Variants in MICAL2 observed in about 807,000 individuals in gnomAD.
MICAL2 encodes the protein microtubule associated monooxygenase, calponin and LIM domain containing 2.
In MICAL2, 77 loss-of-function variants were observed where a neutral mutation model predicts 127.3. That is an observed-to-expected ratio of 0.60 (90% CI 0.50 to 0.73). The LOEUF (loss-of-function observed/expected upper bound fraction) is 0.73, where lower values mean the gene tolerates loss of function less well. Among genes scored for constraint, MICAL2 ranks in the 30% least tolerant of loss-of-function variants. The pLI is 0.00. For missense variants in MICAL2, 1,351 were observed against 1,434.4 expected (o/e 0.94, Z 0.94); for synonymous variants, 570 against 551.1 (o/e 1.03, Z -0.48).
chr11:12,215,951 C>G (rs994832989), intron 7 of MICAL2, among the ~76,000 whole-genome samples: 11 of 152,204 alleles, frequency 7.2e-5, no homozygotes, highest in Non-Finnish European at 1.5e-4. Flanking sequence ...TTACCCGGCT[C>G]TAACTTATAC....
chr11:12,126,295 T>C (rs1377872126), intron 1 of MICAL2, among the ~76,000 whole-genome samples: 3 of 152,208 alleles, frequency 2.0e-5, no homozygotes, highest in Non-Finnish European at 2.9e-5. Flanking sequence ...TTTAAGGAGA[T>C]TGGAAGCTCT....
intron 32 of MICAL2, among the ~76,000 whole-genome samples, chr11:12,340,711 G>C (rs992794215): frequency 1.3e-5 from 2 of 152,130 alleles, no homozygotes; most frequent in Non-Finnish European, 2.9e-5. Flanking sequence ...CAGTGAAAAT[G>C]AATCAGTCAC....
chr11:12,114,261 A>G (rs1849824522), intron 1 of MICAL2, among the ~76,000 whole-genome samples: 1 of 152,196 alleles, frequency 6.6e-6, no homozygotes, highest in Non-Finnish European at 1.5e-5. Flanking sequence ...TGGCCTCTAT[A>G]TAATCCAGTA....
At chr11:12,313,167 C>CAACAAAA in intron 29 of MICAL2, among the ~76,000 whole-genome samples, 1 of 69,282 alleles carries the variant, frequency 1.4e-5, no homozygotes, top group Admixed American at 2.3e-4. Flanking sequence ...GACTACATCT[C>CAACAAAA]AAAAAAAAAA....
intron 22 of MICAL2, chr11:12,255,331 G>A (rs1862180277): frequency 5.6e-6 from 2 of 355,768 alleles, no homozygotes; most frequent in Non-Finnish European, 1.1e-5. Context: ...CTGGAACTCT[G>A]TACCCACTAA....
rs908723864 is a variant in MICAL2, at chr11:12,227,065, C to G, written c.1929C>G (p.Ser643Arg). ...ACTATGGAGAAAATGCTGACCTCAG[C>G]TTGGCCAAATCATCCATTTCTAATA... is the stretch of plus-strand genomic sequence containing the variant. Reference protein sequence around the residue: ...RKNYGENADLSLAKSSISNNY... With the variant: ...RKNYGENADLRLAKSSISNNY... The change falls in exon 15 of 28, where the codon AGC (serine) becomes AGG (arginine). Residue 643 changes from serine (S) to arginine (R), a missense_variant. Transcript: ENST00000683283. 6.2e-7 allele frequency: 1 copy of G among 1,614,020 alleles called. No homozygotes were observed. Among genetic ancestry groups the G allele is most frequent in the Non-Finnish European group, 8.5e-7 (1 of 1,179,988 alleles).
At chr11:12,174,195 A>T (rs767852577) in intron 3 of MICAL2, among the ~76,000 whole-genome samples, 18 of 152,212 alleles carry the variant, frequency 1.2e-4, no homozygotes, top group Non-Finnish European at 2.1e-4. Flanking sequence ...GTGGTAAAAT[A>T]TACATAACAT....
intron 32 of MICAL2, among the ~76,000 whole-genome samples, chr11:12,339,922 G>A (rs554569841): frequency 1.9e-4 from 29 of 152,294 alleles, no homozygotes; most frequent in Admixed American, 7.2e-4. Context: ...CAGTCTGCCC[G>A]TTCTCAGTTC....
intron 29 of MICAL2, among the ~76,000 whole-genome samples, chr11:12,310,392 A>G (rs1270339144): frequency 6.6e-6 from 1 of 152,180 alleles, no homozygotes; most frequent in East Asian, 1.9e-4. Context: ...TCTTCTGCAC[A>G]TGAATATTGA....
rs1443537222 is a variant in MICAL2 at position 12,220,222 on chromosome 11, C to T, written c.970C>T (p.Leu324=). The change falls in exon 9 of 28, where the codon CTG becomes TTG. Residue 324 remains leucine (L), a synonymous_variant. Transcript: ENST00000683283. ...CCAGGACTACATCGACACAGAGATGCTGCTGTGTGCGGAGAACGTGAACCA... is the reference window on the plus strand; with the variant it reads ...CCAGGACTACATCGACACAGAGATGTTGCTGTGTGCGGAGAACGTGAACCA... ...IINDYIDTEM[L]LCAENVNQDN... 1 of 1,614,198 alleles carries T rather than the reference C, an allele frequency of 6.2e-7. No individual in the cohort carries two copies.
intron 17 of MICAL2, among the ~76,000 whole-genome samples, chr11:12,240,567 T>G (rs1859766841): frequency 6.6e-6 from 1 of 152,196 alleles, no homozygotes; most frequent in East Asian, 1.9e-4. Context: ...TCCACAAATT[T>G]TCTTGATTGC....
chr11:12,292,323 A>T, downstream of MICAL2: 1 of 1,613,040 alleles, frequency 6.2e-7, no homozygotes, highest in Non-Finnish European at 8.5e-7. Context: ...GGTCCTGCCC[A>T]GGTGTCAGGA....
At chr11:12,222,894 C>T in intron 11 of MICAL2, 151 bp downstream of exon 11, 2 of 992,776 alleles carry the variant, frequency 2.0e-6, no homozygotes, top group Non-Finnish European at 1.4e-6. Context: ...TTCTTCTCCC[C>T]ACTCGAGTCA....
chr11:12,179,850 G>A (rs1857232036), intron 3 of MICAL2, among the ~76,000 whole-genome samples: 1 of 152,236 alleles, frequency 6.6e-6, no homozygotes, highest in South Asian at 2.1e-4. Flanking sequence ...AGAAAATCTA[G>A]CCAGTTTCCT....
At chr11:12,214,176 G>T (rs924925719) in intron 7 of MICAL2, among the ~76,000 whole-genome samples, 2 of 152,012 alleles carry the variant, frequency 1.3e-5, no homozygotes, top group Admixed American at 6.6e-5. Flanking sequence ...GGGGAAAGGG[G>T]GACGAGTCAC....
At chr11:12,239,887 G>A (rs1488462398) in intron 17 of MICAL2, among the ~76,000 whole-genome samples, 2 of 152,262 alleles carry the variant, frequency 1.3e-5, no homozygotes, top group East Asian at 3.8e-4. Flanking sequence ...AAAAACAGGA[G>A]CAGGCCAGGT....
intron 5 of MICAL2, among the ~76,000 whole-genome samples, chr11:12,209,110 A>G (rs529475602): frequency 7.9e-4 from 120 of 152,328 alleles, no homozygotes; most frequent in Middle Eastern, 3.4e-3. Flanking sequence ...TACACCCTAC[A>G]TATCCTTTTG....
intron 3 of MICAL2, among the ~76,000 whole-genome samples, chr11:12,178,956 C>G (rs1554967678): frequency 6.6e-6 from 1 of 152,182 alleles, no homozygotes; most frequent in Non-Finnish European, 1.5e-5. Context: ...CACTGTCCCA[C>G]TTTGGTTCAG....
At chr11:12,317,636 AC>A (rs1160304652) in intron 29 of MICAL2, among the ~76,000 whole-genome samples, 11 of 152,162 alleles carry the variant, frequency 7.2e-5, no homozygotes, top group Admixed American at 7.2e-4. Context: ...TGTTAAAAAT[AC>A]AAAAATTAGC....
Sources: gnomAD v4.1 joint callset for allele counts (sites outside exome capture counted in the v4.1 genomes callset) on GRCh38, gnomAD v4.1.1 for gene constraint, MANE v1.5 for transcripts, NCBI Gene and HGNC (gene_info 2026-07-23, HGNC 2026-07-21) for gene names.